MOB3B: variants seen among roughly 807,000 people sequenced by gnomAD.
MOB3B encodes the protein MOB kinase activator-like 2B.
Under a neutral mutation model 18.7 loss-of-function variants are expected in MOB3B, and 7 were observed. That is an observed-to-expected ratio of 0.37 (90% CI 0.21 to 0.70). The LOEUF is 0.70. MOB3B is among the 30% of genes least tolerant of loss of function. MOB3B has a pLI of 0.52. For synonymous variants in MOB3B, 111 were observed against 99.9 expected (o/e 1.11, Z -0.66); for missense variants, 253 against 281.3 (o/e 0.90, Z 0.72).
chr9:27,410,260 T>A (rs7021457), intron 2 of MOB3B, among the ~76,000 whole-genome samples: 1 of 151,904 alleles, frequency 6.6e-6, no homozygotes, highest in Non-Finnish European at 1.5e-5. Flanking sequence ...TTTAGGGAAA[T>A]AAAGATGCCA....
At chr9:27,361,428 AAGG>A (rs1185701991) in intron 2 of MOB3B, among the ~76,000 whole-genome samples, 1 of 152,210 alleles carries the variant, frequency 6.6e-6, no homozygotes, top group East Asian at 1.9e-4. Flanking sequence ...GGGACAGAAG[AAGG>A]AGAAGGACAG....
chr9:27,466,503 G>A (rs778263410), intron 1 of MOB3B, among the ~76,000 whole-genome samples: 4 of 152,030 alleles, frequency 2.6e-5, no homozygotes, highest in Admixed American at 6.5e-5. Flanking sequence ...ACATTTTCGG[G>A]TATCTTTTCA....
chr9:27,459,986 T>C (rs543512806), intron 1 of MOB3B, among the ~76,000 whole-genome samples: 5 of 152,282 alleles, frequency 3.3e-5, no homozygotes, highest in African/African-American at 9.6e-5. Context: ...TTAATAAATA[T>C]TTGAAACCAA....
chr9:27,351,168 G>T (rs1007805458), intron 3 of MOB3B, among the ~76,000 whole-genome samples: 2 of 152,200 alleles, frequency 1.3e-5, no homozygotes, highest in Non-Finnish European at 2.9e-5. Context: ...CTCCCAAAGT[G>T]TTGGGATTAC....
At chr9:27,391,201 G>A (rs955548120) in intron 2 of MOB3B, among the ~76,000 whole-genome samples, 4 of 152,300 alleles carry the variant, frequency 2.6e-5, no homozygotes, top group East Asian at 3.9e-4. Flanking sequence ...AATGTACCAC[G>A]TTCACAGGAT....
At chr9:27,415,051 G>A (rs575305748) in intron 2 of MOB3B, among the ~76,000 whole-genome samples, 2 of 151,622 alleles carry the variant, frequency 1.3e-5, no homozygotes, top group Admixed American at 1.3e-4. Flanking sequence ...TAGTAGGGAC[G>A]GGGTTTCACC....
intron 2 of MOB3B, among the ~76,000 whole-genome samples, chr9:27,385,355 T>C (rs1821638235): frequency 6.6e-6 from 1 of 152,172 alleles, no homozygotes; most frequent in African/African-American, 2.4e-5. Flanking sequence ...GAGGTAACCA[T>C]GAGACAGAGT....
At chr9:27,336,211 A>T (rs931574535) in intron 3 of MOB3B, among the ~76,000 whole-genome samples, 12 of 152,224 alleles carry the variant, frequency 7.9e-5, no homozygotes, top group African/African-American at 2.9e-4. Context: ...GTGTAACAAT[A>T]ATGATTTAGT....
chr9:27,416,778 C>T (rs923340949), intron 2 of MOB3B, among the ~76,000 whole-genome samples: 6 of 151,942 alleles, frequency 3.9e-5, no homozygotes, highest in Non-Finnish European at 8.8e-5. Context: ...TTAAGTAATC[C>T]TCCTGCCTCA....
intron 1 of MOB3B, 68 bp from the exon 2 acceptor site, chr9:27,455,816 C>A: frequency 7.4e-7 from 1 of 1,352,520 alleles, no homozygotes; most frequent in Non-Finnish European, 9.5e-7. Flanking sequence ...CAGTCTTCAA[C>A]CTGATTTCCA....
chr9:27,461,998 A>G (rs1819296067), intron 1 of MOB3B, among the ~76,000 whole-genome samples: 1 of 152,226 alleles, frequency 6.6e-6, no homozygotes. Context: ...TGAAATAAAG[A>G]GAATAATGTT....
intron 2 of MOB3B, among the ~76,000 whole-genome samples, chr9:27,387,495 C>T (rs1356304630): frequency 3.3e-5 from 5 of 152,260 alleles, no homozygotes; most frequent in Middle Eastern, 3.4e-3. Context: ...AGTCACTGTG[C>T]TGCTATAAGG....
chr9:27,370,044 G>A (rs562323222), intron 2 of MOB3B, among the ~76,000 whole-genome samples: 2 of 151,582 alleles, frequency 1.3e-5, no homozygotes, highest in Admixed American at 1.3e-4. Flanking sequence ...GCAGAACACG[G>A]TGGTTCTCCA....
chr9:27,458,232 A>G (rs1017709669), intron 1 of MOB3B, among the ~76,000 whole-genome samples: 1 of 152,088 alleles, frequency 6.6e-6, no homozygotes, highest in Non-Finnish European at 1.5e-5. Flanking sequence ...CCTTGGTGCC[A>G]CTAATCCTTC....
chr9:27,492,087 C>A (rs1819827756), intron 1 of MOB3B, among the ~76,000 whole-genome samples: 1 of 152,106 alleles, frequency 6.6e-6, no homozygotes, highest in Admixed American at 6.5e-5. Flanking sequence ...GAGGGATGTC[C>A]ATGACATCTT....
intron 1 of MOB3B, among the ~76,000 whole-genome samples, chr9:27,522,084 A>G (rs1250722098): frequency 1.3e-5 from 2 of 151,804 alleles, no homozygotes; most frequent in Non-Finnish European, 2.9e-5. Flanking sequence ...CTACTAAAAT[A>G]CAAAAAAATT....
At chr9:27,416,373 G>A (rs1822148572) in intron 2 of MOB3B, among the ~76,000 whole-genome samples, 1 of 151,920 alleles carries the variant, frequency 6.6e-6, no homozygotes, top group South Asian at 2.1e-4. Context: ...TCCACGTTTG[G>A]GATTTTTAGG....
In MOB3B at chr9:27,523,617, T is replaced by G. The variant is rs73440913; in HGVS notation, c.-199+5938A>C. ...AGGCTAAGTCCAGGATGGATTTAAC[T>G]GAAGAAAAGGATATTTAGAGATTAT... On this transcript the variant is annotated intron_variant, in intron 1 of 3. Coordinates refer to ENST00000262244, the MANE Select transcript of MOB3B (RefSeq NM_024761.5). Among the ~76,000 whole-genome samples the G allele has an allele frequency of 7.1e-3, 1,086 of 152,272 alleles. 15 individuals carry two copies. Among genetic ancestry groups the G allele is most frequent in the African/African-American group, 0.025 (1,040 of 41,536 alleles).
chr9:27,527,947 C>T (rs1194530233), intron 1 of MOB3B, among the ~76,000 whole-genome samples: 1 of 152,216 alleles, frequency 6.6e-6, no homozygotes. Context: ...AACAAGCGCA[C>T]CCACAGGGGA....
Sources: gnomAD v4.1 joint callset for allele counts (sites outside exome capture counted in the v4.1 genomes callset) on GRCh38, gnomAD v4.1.1 for gene constraint, MANE v1.5 for transcripts, NCBI Gene and HGNC (gene_info 2026-07-23, HGNC 2026-07-21) for gene names.